MYO3B: variants seen among roughly 807,000 people sequenced by gnomAD.
MYO3B encodes myosin IIIB.
Under a neutral mutation model 174.6 loss-of-function variants are expected in MYO3B, and 156 were observed. The ratio of observed to expected loss-of-function variants is 0.89; its 90% CI spans 0.78 to 1.02. The LOEUF (loss-of-function observed/expected upper bound fraction) is 1.02. Among genes scored for constraint, MYO3B ranks in the 50% least tolerant of loss-of-function variants. The pLI is 0.00. For synonymous variants in MYO3B, 563 were observed against 569.1 expected (o/e 0.99, Z 0.15); for missense variants, 1,632 against 1,639.4 (o/e 1.00, Z 0.08).
Position 170,217,316 on chromosome 2 carries a change from T to C in MYO3B, c.527-3T>C, listed in dbSNP as rs78928255. 1,978 of 1,613,530 alleles carry C rather than the reference T, an allele frequency of 1.2e-3. 20 individuals carry two copies. In the African/African-American group the frequency reaches 0.023, roughly 19 times the overall value. Reference sequence around the variant, plus strand: ...TTTGAATTCTGATACTCTTTCCTTATAGGTGTTTCAGCTCAACTCACCAGT... The same window carrying C: ...TTTGAATTCTGATACTCTTTCCTTACAGGTGTTTCAGCTCAACTCACCAGT... On this transcript the variant is annotated splice_polypyrimidine_tract_variant and splice_region_variant and intron_variant, in intron 5 of 34. Transcript: ENST00000408978.
At chr2:170,257,224 C>T (rs1046997149) in intron 7 of MYO3B, among the ~76,000 whole-genome samples, 1 of 152,106 alleles carries the variant, frequency 6.6e-6, no homozygotes. Flanking sequence ...AAATTTGACA[C>T]TTGACCAATT....
intron 32 of MYO3B, among the ~76,000 whole-genome samples, chr2:170,584,120 A>C (rs1049735403): frequency 1.1e-4 from 16 of 152,226 alleles, no homozygotes; most frequent in African/African-American, 3.9e-4. Context: ...GCATGCCACC[A>C]GGCTTTTGGC....
rs1334206358 is a variant in MYO3B, at chr2:170,647,012, A to T, written c.3734-4616A>T. Reference sequence around the variant, plus strand: ...TCTTAGTTTTGTTACTGTCCATCATATGGAACGTTTTACTTTAATATAATT... The same window carrying T: ...TCTTAGTTTTGTTACTGTCCATCATTTGGAACGTTTTACTTTAATATAATT... On this transcript the variant is annotated intron_variant, in intron 32 of 34. Coordinates refer to ENST00000408978, the MANE Select transcript of MYO3B (RefSeq NM_138995.5). 3.3e-6 allele frequency: 3 copies of T among 914,402 alleles called. No individual in the cohort carries two copies. In the African/African-American group the frequency reaches 5.2e-5, roughly 16 times the overall value. 56.6% of individuals were successfully genotyped at this position (914,402 alleles called of 1,614,324 possible).
At chr2:170,547,817 A>G (rs2106217013) in intron 32 of MYO3B, among the ~76,000 whole-genome samples, 1 of 152,328 alleles carries the variant, frequency 6.6e-6, no homozygotes, top group African/African-American at 2.4e-5. Flanking sequence ...AAGTAAGTCA[A>G]TTATGTGGGA....
chr2:170,267,665 T>G (rs2093394417), intron 7 of MYO3B, among the ~76,000 whole-genome samples: 2 of 152,220 alleles, frequency 1.3e-5, no homozygotes, highest in African/African-American at 4.8e-5. Context: ...TTTCCACTTT[T>G]CCTGTCATGA....
chr2:170,554,690 G>T (rs115733821), intron 32 of MYO3B, among the ~76,000 whole-genome samples: 2 of 152,096 alleles, frequency 1.3e-5, no homozygotes, highest in African/African-American at 2.4e-5. Context: ...AAACTTTTCC[G>T]GTGCTTTCCT....
intron 26 of MYO3B, 37 bp downstream of exon 26, chr2:170,498,740 AT>A (rs1559058783): frequency 7.3e-7 from 1 of 1,371,954 alleles, no homozygotes; most frequent in East Asian, 2.3e-5. Context: ...GTCCCGTATG[AT>A]TTCTTTGTCT....
At position 170,341,149 on chromosome 2, in the gene MYO3B, A is replaced by G. The variant is rs536951260; in HGVS notation, c.815+5699A>G. 10 of 152,210 alleles carry G rather than the reference A, an allele frequency of 6.6e-5. No individual in the cohort carries two copies. In the South Asian group the frequency reaches 2.1e-3, roughly 32 times the overall value. 9.4% of individuals were successfully genotyped at this position (152,210 alleles called of 1,614,324 possible). A position where few individuals can be genotyped will look rare whatever the true frequency, so the allele number is the denominator to read the frequency against. On this transcript the variant is annotated intron_variant, in intron 8 of 34. Coordinates refer to ENST00000408978, the MANE Select transcript of MYO3B (RefSeq NM_138995.5). ...AAAAATTGAAACTCAGATCTGGAAC[A>G]TTTGCGTTCACTGTAGGCCTGAATG...
chr2:170,594,255 T>G lies in MYO3B; in HGVS notation c.3733+50267T>G, dbSNP rs1249470017. On this transcript the variant is annotated intron_variant, in intron 32 of 34. Coordinates refer to ENST00000408978, the MANE Select transcript of MYO3B (RefSeq NM_138995.5). Reference sequence around the variant, plus strand: ...CAAATCCCATCCTCCTGCCCTGTCATTTCTACCACCACCGCCATGGCCAAG... The same window carrying G: ...CAAATCCCATCCTCCTGCCCTGTCAGTTCTACCACCACCGCCATGGCCAAG... 8.5e-5 allele frequency among the ~76,000 whole-genome samples: 13 copies of G among 152,072 alleles called. No homozygotes were observed. In the East Asian group the frequency reaches 2.5e-3, roughly 29 times the overall value.
chr2:170,546,074 G>A (rs148157837), intron 32 of MYO3B, among the ~76,000 whole-genome samples: 107 of 152,248 alleles, frequency 7.0e-4, no homozygotes, highest in African/African-American at 2.3e-3. Flanking sequence ...CATGCCTGGT[G>A]TGTTCTTTCC....
intron 7 of MYO3B, among the ~76,000 whole-genome samples, chr2:170,308,891 T>C (rs2093718801): frequency 6.6e-6 from 1 of 151,726 alleles, no homozygotes; most frequent in African/African-American, 2.4e-5. Context: ...AAAATGAAAA[T>C]GAGGGAAACA....
intron 8 of MYO3B, among the ~76,000 whole-genome samples, chr2:170,360,947 A>C (rs1422146270): frequency 1.3e-5 from 2 of 152,202 alleles, no homozygotes; most frequent in African/African-American, 4.8e-5. Context: ...TTCTTTATAA[A>C]TTACCCAGTC....
At chr2:170,619,091 A>G (rs3937463) in intron 32 of MYO3B, among the ~76,000 whole-genome samples, 20,479 of 152,202 alleles carry the variant, frequency 0.13, 1,558 homozygotes, top group East Asian at 0.32. Flanking sequence ...CCTTAACCCT[A>G]AAGAGGCCTA....
At chr2:170,652,679 A>G (rs1378388281) in intron 34 of MYO3B, among the ~76,000 whole-genome samples, 1 of 152,216 alleles carries the variant, frequency 6.6e-6, no homozygotes, top group Non-Finnish European at 1.5e-5. Context: ...AAACTTTCTC[A>G]TCTAGAGGGA....
chr2:170,209,086 C>T (rs1256123725), intron 3 of MYO3B, among the ~76,000 whole-genome samples: 6 of 152,302 alleles, frequency 3.9e-5, no homozygotes, highest in South Asian at 2.1e-4. Context: ...GGGCTTTTAG[C>T]AGCTCTGCAA....
intron 23 of MYO3B, among the ~76,000 whole-genome samples, chr2:170,461,385 A>G (rs1456055024): frequency 6.6e-6 from 1 of 151,048 alleles, no homozygotes; most frequent in Non-Finnish European, 1.5e-5. Flanking sequence ...GAGGCAGGAA[A>G]ACACTTCAAC....
At chr2:170,605,421 G>C (rs1694752740) in intron 32 of MYO3B, among the ~76,000 whole-genome samples, 1 of 152,166 alleles carries the variant, frequency 6.6e-6, no homozygotes, top group Non-Finnish European at 1.5e-5. Context: ...CTGGATTTCA[G>C]ACACACACAG....
At chr2:170,575,154 T>C (rs1692709576) in intron 32 of MYO3B, among the ~76,000 whole-genome samples, 1 of 152,256 alleles carries the variant, frequency 6.6e-6, no homozygotes, top group South Asian at 2.1e-4. Flanking sequence ...GGTTTTATTG[T>C]ATCTTAAATG....
intron 9 of MYO3B, among the ~76,000 whole-genome samples, chr2:170,372,433 C>T (rs2094255889): frequency 6.6e-6 from 1 of 152,130 alleles, no homozygotes; most frequent in Admixed American, 6.5e-5. Context: ...TTTTTACTTA[C>T]TGTACAAGAT....
Sources: allele counts gnomAD v4.1 joint callset (sites outside exome capture counted in the v4.1 genomes callset), GRCh38; gene constraint gnomAD v4.1.1; transcripts MANE v1.5; gene names NCBI Gene and HGNC (gene_info 2026-07-23, HGNC 2026-07-21).